The following PIP4K2A variants were observed in gnomAD, a reference collection of about 807,000 sequenced individuals.
PIP4K2A encodes phosphatidylinositol 5-phosphate 4-kinase type-2 alpha.
Under a neutral mutation model 42.9 loss-of-function variants are expected in PIP4K2A, and 14 were observed. The ratio of observed to expected loss-of-function variants is 0.33; its 90% CI spans 0.22 to 0.51. The LOEUF is 0.51. PIP4K2A is among the 20% of genes least tolerant of loss of function. The pLI is 0.97. For synonymous variants in PIP4K2A, 192 were observed against 192.2 expected, an observed-to-expected ratio of 1.00 and a Z score of 0.01; for missense variants, 434 against 519.8, an observed-to-expected ratio of 0.83 and a Z score of 1.61.
rs750500583 is a variant in PIP4K2A, at chr10:22,591,668, G to A, written c.453C>T (p.Asp151=). ...RYIIKTITSE[D]VAEMHNILKK... ...TCAGGATGTTGTGCATTTCGGCCAC[G>A]TCTTCACTGGTAATAGTCTTGATGA... Residue 151 remains aspartate (D), a synonymous_variant, in exon 4 of 10, where the codon GAC becomes GAT. Transcript: ENST00000376573. 6.8e-6 allele frequency: 11 copies of A among 1,611,620 alleles called. No homozygotes were observed. Among genetic ancestry groups the A allele is most frequent in the Admixed American group, 3.3e-5 (2 of 59,772 alleles).
At chr10:22,705,040 G>C (rs75510400) in intron 1 of PIP4K2A, among the ~76,000 whole-genome samples, 1 of 152,076 alleles carries the variant, frequency 6.6e-6, no homozygotes, top group Non-Finnish European at 1.5e-5. Context: ...GGAAGCTGAC[G>C]GCTTCTATTT....
chr10:22,566,709 G>A (rs760733004), intron 6 of PIP4K2A, among the ~76,000 whole-genome samples: 4 of 152,092 alleles, frequency 2.6e-5, no homozygotes, highest in Non-Finnish European at 1.5e-5. Flanking sequence ...TGCACCTGCC[G>A]CTCTTCCTCT....
At chr10:22,666,701 T>C (rs772276467) in intron 1 of PIP4K2A, among the ~76,000 whole-genome samples, 46 of 152,192 alleles carry the variant, frequency 3.0e-4, no homozygotes, top group South Asian at 4.1e-4. Flanking sequence ...GGCACCTACA[T>C]TTCTTTTTTT....
At chr10:22,648,867 A>G (rs1461941801) in intron 1 of PIP4K2A, among the ~76,000 whole-genome samples, 1 of 152,230 alleles carries the variant, frequency 6.6e-6, no homozygotes, top group African/African-American at 2.4e-5. Flanking sequence ...ACAGAAAGCA[A>G]TTCAGAGATA....
chr10:22,609,027 G>A (rs997569209), intron 2 of PIP4K2A, among the ~76,000 whole-genome samples: 1 of 152,136 alleles, frequency 6.6e-6, no homozygotes, highest in Admixed American at 6.5e-5. Context: ...TTTGCACACT[G>A]AACTATAGCA....
chr10:22,567,963 G>T, intron 5 of PIP4K2A, 74 bp from the exon 6 acceptor site: 1 of 1,349,750 alleles, frequency 7.4e-7, no homozygotes, highest in Non-Finnish European at 1.1e-6. Context: ...TATGAAAATG[G>T]CTCCAGGCGG....
chr10:22,603,512 T>C (rs1207864024), intron 3 of PIP4K2A, among the ~76,000 whole-genome samples: 4 of 152,066 alleles, frequency 2.6e-5, no homozygotes, highest in East Asian at 3.9e-4. Context: ...GGGGTGCAGA[T>C]TTTCATGAAG....
chr10:22,655,269 A>G (rs2130820324), intron 1 of PIP4K2A, among the ~76,000 whole-genome samples: 1 of 152,320 alleles, frequency 6.6e-6, no homozygotes, highest in South Asian at 2.1e-4. Flanking sequence ...ATTTTTAAGA[A>G]AAGCTGAAGC....
At chr10:22,630,437 A>G (rs961119328) in intron 1 of PIP4K2A, among the ~76,000 whole-genome samples, 3 of 152,200 alleles carry the variant, frequency 2.0e-5, no homozygotes, top group South Asian at 2.1e-4. Flanking sequence ...TATTCAGAAT[A>G]TAAGTAGCTA....
intron 9 of PIP4K2A, 86 bp from the exon 10 acceptor site, chr10:22,537,367 G>A (rs1835961785): frequency 4.8e-6 from 5 of 1,031,238 alleles, no homozygotes; most frequent in Non-Finnish European, 7.3e-6. Flanking sequence ...TATTTCCAAT[G>A]GCAACTGAAT....
chr10:22,637,246 A>G (rs996629343), intron 1 of PIP4K2A, among the ~76,000 whole-genome samples: 5 of 152,208 alleles, frequency 3.3e-5, no homozygotes, highest in African/African-American at 4.8e-5. Context: ...CACCTTTGTC[A>G]GTATGGCTCT....
At chr10:22,632,954 A>C (rs1443458815) in intron 1 of PIP4K2A, among the ~76,000 whole-genome samples, 1 of 152,222 alleles carries the variant, frequency 6.6e-6, no homozygotes, top group African/African-American at 2.4e-5. Flanking sequence ...CATCATTTCA[A>C]AAAATGGCCC....
At position 22,641,158 on chromosome 10, in the gene PIP4K2A, C is replaced by T. The variant is rs920710650; in HGVS notation, c.145-31441G>A. ...GCTGCAGACAGAGCAGTTTTAGACT[C>T]GGAGGGTACTCTGGAGACCACCTAA... is the stretch of plus-strand genomic sequence containing the variant. On this transcript the variant is annotated intron_variant, in intron 1 of 9. Transcript: ENST00000376573. Among the ~76,000 whole-genome samples, 3 of 152,086 alleles carry T rather than the reference C, an allele frequency of 2.0e-5. No homozygotes were observed. In the South Asian group the frequency reaches 6.2e-4, roughly 32 times the overall value.
intron 9 of PIP4K2A, among the ~76,000 whole-genome samples, chr10:22,538,425 C>G (rs1835995409): frequency 6.6e-6 from 1 of 151,078 alleles, no homozygotes; most frequent in African/African-American, 2.4e-5. Flanking sequence ...AATATGGGAA[C>G]AGACATTTAC....
intron 4 of PIP4K2A, among the ~76,000 whole-genome samples, chr10:22,590,801 TTGAGCATGCAGTGA>T (rs1265119197): frequency 6.6e-6 from 1 of 150,468 alleles, no homozygotes; most frequent in East Asian, 1.9e-4. Flanking sequence ...GCCCAGGAGG[TTGAGCATGCAGTGA>T]GCTGTGATCA....
At chr10:22,601,762 G>A (rs1837786206) in intron 3 of PIP4K2A, among the ~76,000 whole-genome samples, 2 of 152,278 alleles carry the variant, frequency 1.3e-5, no homozygotes, top group South Asian at 2.1e-4. Flanking sequence ...CCCAATGCAG[G>A]CCACAAGCCT....
Position 22,536,220 on chromosome 10 carries a change from G to T in PIP4K2A, c.*981C>A. ...ATCTGCATTTGGTAACAGGAGAATTGAGAGTTTTGATGCTTTGCTGGTTTT... is the reference window on the plus strand; with the variant it reads ...ATCTGCATTTGGTAACAGGAGAATTTAGAGTTTTGATGCTTTGCTGGTTTT... On this transcript the variant is annotated 3_prime_UTR_variant, in exon 10 of 10. Transcript: ENST00000376573. The T allele has an allele frequency of 2.5e-6, 1 of 397,892 alleles. No homozygotes were observed. The highest frequency in any genetic ancestry group is 1.3e-4 in the South Asian group (1 of 7,592). The allele number at this position is 397,892 out of a possible 1,614,324, so 24.6% of individuals were successfully genotyped here.
intron 6 of PIP4K2A, among the ~76,000 whole-genome samples, chr10:22,552,713 C>A (rs1339963214): frequency 6.6e-6 from 1 of 152,130 alleles, no homozygotes; most frequent in Non-Finnish European, 1.5e-5. Context: ...GACCTACACA[C>A]AAAAACAGGA....
intron 1 of PIP4K2A, among the ~76,000 whole-genome samples, chr10:22,628,384 G>C (rs189662762): frequency 6.6e-6 from 1 of 152,238 alleles, no homozygotes; most frequent in African/African-American, 2.4e-5. Flanking sequence ...GTTAGAAAAA[G>C]TCTCAAAAAT....
Sources: gnomAD v4.1 joint callset for allele counts (sites outside exome capture counted in the v4.1 genomes callset) on GRCh38, gnomAD v4.1.1 for gene constraint, MANE v1.5 for transcripts, NCBI Gene and HGNC (gene_info 2026-07-23, HGNC 2026-07-21) for gene names.